The following PHAF1 variants were observed in gnomAD, a reference collection of about 807,000 sequenced individuals.
The protein encoded by PHAF1 is phagosome assembly factor 1.
In PHAF1, 23 loss-of-function variants were observed where a neutral mutation model predicts 63.1. The observed-to-expected ratio is 0.36, with a 90% CI of 0.26 to 0.52. The LOEUF (loss-of-function observed/expected upper bound fraction) is 0.52. Ranked by LOEUF, PHAF1 falls within the 20% of genes least tolerant of loss-of-function variation. The probability of loss-of-function intolerance (pLI) is 0.93; values close to 1 mark genes in which losing one functional copy is unlikely to be tolerated. For synonymous variants in PHAF1, 167 were observed against 185.0 expected (o/e 0.90, Z 0.79); for missense variants, 427 against 517.2 (o/e 0.83, Z 1.69).
At position 67,132,428 on chromosome 16, in the gene PHAF1, A is replaced by C. The variant is rs747990967; in HGVS notation, c.276-18A>C. 7 of 1,582,544 alleles carry C rather than the reference A, an allele frequency of 4.4e-6. No individual in the cohort carries two copies. Among genetic ancestry groups the C allele is most frequent in the Non-Finnish European group, 5.2e-6 (6 of 1,159,410 alleles). On this transcript the variant is annotated intron_variant, in intron 4 of 15. Coordinates refer to ENST00000219139, the MANE Select transcript of PHAF1 (RefSeq NM_025187.5). ...CATCTTGTGAAGCCTAGTATTAAAA[A>C]ATATTTTTGTTTTTCAGTGGCGTGC...
chr16:67,146,564 G>A (rs2030099781), intron 15 of PHAF1, among the ~76,000 whole-genome samples: 3 of 152,238 alleles, frequency 2.0e-5, no homozygotes, highest in African/African-American at 2.4e-5. Context: ...CACAGAGGCC[G>A]AAGCAGTGGT....
chr16:67,111,413 T>C (rs1359658421), intron 1 of PHAF1, among the ~76,000 whole-genome samples: 1 of 152,132 alleles, frequency 6.6e-6, no homozygotes, highest in Non-Finnish European at 1.5e-5. Context: ...TGGTGCTGTT[T>C]GTTTGTGCAG....
chr16:67,133,228 G>A (rs1446928932), intron 6 of PHAF1, among the ~76,000 whole-genome samples: 1 of 152,134 alleles, frequency 6.6e-6, no homozygotes, highest in Non-Finnish European at 1.5e-5. Flanking sequence ...AGAATTTGGA[G>A]ATTTCATCCT....
intron 2 of PHAF1, among the ~76,000 whole-genome samples, chr16:67,124,987 C>T (rs1963130440): frequency 6.6e-6 from 1 of 151,874 alleles, no homozygotes; most frequent in Non-Finnish European, 1.5e-5. Flanking sequence ...TTTCCTTCTA[C>T]TATTGGGCAG....
intron 3 of PHAF1, among the ~76,000 whole-genome samples, chr16:67,128,848 T>C (rs1369710520): frequency 6.6e-6 from 1 of 152,214 alleles, no homozygotes; most frequent in East Asian, 1.9e-4. Context: ...GTCCACTGTT[T>C]TCCCATTGAT....
chr16:67,132,569 C>A lies in PHAF1; in HGVS notation c.355+44C>A, dbSNP rs144951759. ...ATTCCTCTGGTCATCAGTGGCAGTT[C>A]ATAGCAATAAACCTGCCCGGTAGTG... On this transcript the variant is annotated intron_variant, in intron 5 of 15. Coordinates refer to ENST00000219139, the MANE Select transcript of PHAF1 (RefSeq NM_025187.5). 1.9e-5 allele frequency: 30 copies of A among 1,578,504 alleles called. No individual in the cohort carries two copies. In the Middle Eastern group the frequency reaches 1.5e-3, roughly 79 times the overall value.
intron 2 of PHAF1, among the ~76,000 whole-genome samples, chr16:67,122,411 G>A (rs903829892): frequency 6.6e-6 from 1 of 152,046 alleles, no homozygotes; most frequent in Non-Finnish European, 1.5e-5. Flanking sequence ...CCAAGAGTTC[G>A]AGACCAGCCA....
rs372951369 is a variant in PHAF1 at position 67,135,170 on chromosome 16, CAG to C, written c.661+706_661+707del. On this transcript the variant is annotated intron_variant, in intron 8 of 15. Coordinates refer to ENST00000219139, the MANE Select transcript of PHAF1 (RefSeq NM_025187.5). The stretch of plus-strand genomic sequence containing the variant: ...TTTTTTCTTTTTCTTTTTTTTGAGA[CAG>C]AGTCTTACTCTGTTGCTGAGGCTGG... 76 of 160,472 alleles carry C rather than the reference CAG, an allele frequency of 4.7e-4. 1 individual carries two copies. In the East Asian group the frequency reaches 7.3e-3, roughly 15 times the overall value. 9.9% of individuals were successfully genotyped at this position (160,472 alleles called of 1,614,324 possible).
Position 67,145,004 on chromosome 16 carries a change from G to A in PHAF1, c.1006+127G>A, listed in dbSNP as rs1371731384. 3 of 1,212,310 alleles carry A rather than the reference G, an allele frequency of 2.5e-6. No homozygotes were observed. The African/African-American group carries it at 4.5e-5, about 18-fold the overall frequency. The allele number at this position is 1,212,310 out of a possible 1,614,324, so 75.1% of individuals were successfully genotyped here. A position where few individuals can be genotyped will look rare whatever the true frequency, so the allele number is the denominator to read the frequency against. On this transcript the variant is annotated intron_variant, in intron 12 of 15. Coordinates refer to ENST00000219139, the MANE Select transcript of PHAF1 (RefSeq NM_025187.5). Reference sequence around the variant, plus strand: ...CTGCCCATGGCCTCAGTTCCTCTGGGGTGGGCTCATTGTTCTGGGGGCTGC... The same window carrying A: ...CTGCCCATGGCCTCAGTTCCTCTGGAGTGGGCTCATTGTTCTGGGGGCTGC...
rs554593698 is a variant in PHAF1, at chr16:67,141,588, G to T, written c.879+994G>T. 1.1e-4 allele frequency among the ~76,000 whole-genome samples: 17 copies of T among 152,352 alleles called. No homozygotes were observed. In the East Asian group the frequency reaches 3.1e-3, roughly 28 times the overall value. On this transcript the variant is annotated intron_variant, in intron 10 of 15. Transcript: ENST00000219139. Reference sequence around the variant, plus strand: ...CAAGCCAGGCATGGAGTGGCAAGGGGTGTGTGAGCGAGTGAATGTGGCATC... The same window carrying T: ...CAAGCCAGGCATGGAGTGGCAAGGGTTGTGTGAGCGAGTGAATGTGGCATC...
At chr16:67,140,211 T>C in intron 9 of PHAF1, 94 bp downstream of exon 9, 1 of 1,443,020 alleles carries the variant, frequency 6.9e-7, no homozygotes, top group Non-Finnish European at 9.4e-7. Flanking sequence ...ATAGAACTTG[T>C]TCTAAGTAAA....
At position 67,134,260 on chromosome 16, in the gene PHAF1, T is replaced by C; in HGVS notation, c.543T>C (p.Asp181=). The C allele has an allele frequency of 6.2e-7, 1 of 1,612,136 alleles. No individual in the cohort carries two copies. Among genetic ancestry groups the C allele is most frequent in the Non-Finnish European group, 8.5e-7 (1 of 1,178,164 alleles). The change falls in exon 7 of 16, where the codon GAT becomes GAC. Residue 181 remains aspartate, a synonymous_variant. Transcript: ENST00000219139. ...MYIYSGNSLQ[D]TKAPMMPLSC... ...TCTACAGTGGCAACAGCCTGCAGGATACCAAGTAAGTATAAGGAGCATGAG... is the reference window on the plus strand; with the variant it reads ...TCTACAGTGGCAACAGCCTGCAGGACACCAAGTAAGTATAAGGAGCATGAG...
chr16:67,146,963 A>G, intron 15 of PHAF1, 82 bp from the exon 16 acceptor site: 1 of 1,311,554 alleles, frequency 7.6e-7, no homozygotes, highest in South Asian at 1.2e-5. Flanking sequence ...GGTATGTCAC[A>G]CAACCTCCAG....
At chr16:67,119,807 C>T (rs948715413) in intron 1 of PHAF1, among the ~76,000 whole-genome samples, 6 of 151,652 alleles carry the variant, frequency 4.0e-5, no homozygotes, top group African/African-American at 1.5e-4. Context: ...GGATTGCAGG[C>T]ATAAGCCACC....
In PHAF1 at chr16:67,146,365, C is replaced by T. The variant is rs745737322; in HGVS notation, c.1182+15C>T. 6.2e-7 allele frequency: 1 copy of T among 1,611,652 alleles called. No homozygotes were observed. Among genetic ancestry groups the T allele is most frequent in the Middle Eastern group, 1.7e-4 (1 of 6,056 alleles). On this transcript the variant is annotated intron_variant, in intron 15 of 15. Transcript: ENST00000219139. ...TGATCTTTGAGGTAAGCTGTGGAAG[C>T]CCTAGAAATAAACTGCCTGGGGGGT... is the stretch of plus-strand genomic sequence containing the variant.
intron 3 of PHAF1, among the ~76,000 whole-genome samples, chr16:67,128,048 T>C (rs1963256827): frequency 2.0e-5 from 3 of 152,238 alleles, no homozygotes; most frequent in African/African-American, 7.2e-5. Context: ...TAGTATATGC[T>C]AGGCACATGG....
chr16:67,146,182 A>C, intron 14 of PHAF1, 96 bp from the exon 15 acceptor site: 35 of 1,044,118 alleles, frequency 3.4e-5, no homozygotes, highest in Middle Eastern at 2.0e-4. Context: ...ATGAGAGACT[A>C]CTGGCCAGTA....
rs1397996049 is a variant in PHAF1, at chr16:67,146,275, C to T, written c.1110-3C>T. 2 of 1,613,372 alleles carry T rather than the reference C, an allele frequency of 1.2e-6. No homozygotes were observed. The highest frequency in any genetic ancestry group is 1.7e-6 in the Non-Finnish European group (2 of 1,179,480). On this transcript the variant is annotated splice_region_variant and splice_polypyrimidine_tract_variant and intron_variant, in intron 14 of 15. Coordinates refer to ENST00000219139, the MANE Select transcript of PHAF1 (RefSeq NM_025187.5). ...TCTCTAATTCTGAATTCTTTGGCCTCAGGTCTTCCTCCCCAAACAACACCA... is the reference window on the plus strand; with the variant it reads ...TCTCTAATTCTGAATTCTTTGGCCTTAGGTCTTCCTCCCCAAACAACACCA...
intron 12 of PHAF1, 142 bp downstream of exon 12, chr16:67,145,019 C>A: frequency 1.9e-6 from 2 of 1,073,102 alleles, no homozygotes; most frequent in Non-Finnish European, 1.4e-6. Flanking sequence ...GCTCATTGTT[C>A]TGGGGGCTGC....
Sources: gnomAD v4.1 joint callset for allele counts (sites outside exome capture counted in the v4.1 genomes callset) on GRCh38, gnomAD v4.1.1 for gene constraint, MANE v1.5 for transcripts, NCBI Gene and HGNC (gene_info 2026-07-23, HGNC 2026-07-21) for gene names.